Variants in CHN1 observed in about 807,000 individuals in gnomAD.
The protein encoded by CHN1 is chimerin 1, also known as N-chimaerin.
CHN1 carries 37 observed loss-of-function variants against 59.5 expected under a neutral mutation model. The observed-to-expected ratio is 0.62, with a 90% confidence interval of 0.48 to 0.82. The LOEUF (loss-of-function observed/expected upper bound fraction) is 0.82, where lower values mean the gene tolerates loss of function less well. Among genes scored for constraint, CHN1 ranks in the 40% least tolerant of loss-of-function variants. The pLI is 0.00. For missense variants in CHN1, 469 were observed against 571.0 expected (o/e 0.82, Z 1.82); for synonymous variants, 206 against 200.4 (o/e 1.03, Z -0.24).
intron 3 of CHN1, among the ~76,000 whole-genome samples, chr2:174,923,133 ATAT>A (rs1311862294): frequency 1.3e-5 from 2 of 152,044 alleles, no homozygotes; most frequent in Admixed American, 6.6e-5. Context: ...GCCTTTAACA[ATAT>A]AATTTTTTTT....
At chr2:174,979,794 T>C (rs1254995410) in intron 1 of CHN1, among the ~76,000 whole-genome samples, 2 of 151,954 alleles carry the variant, frequency 1.3e-5, no homozygotes, top group African/African-American at 4.8e-5. Context: ...GGCAGGAGAA[T>C]TGCTTGAACC....
intron 3 of CHN1, among the ~76,000 whole-genome samples, chr2:174,928,952 GA>G (rs905962278): frequency 2.0e-4 from 30 of 152,166 alleles, no homozygotes; most frequent in Non-Finnish European, 3.4e-4. Flanking sequence ...ACTTATAAAA[GA>G]CCTACATAGA....
intron 6 of CHN1, among the ~76,000 whole-genome samples, chr2:174,848,083 A>G (rs1158468770): frequency 6.6e-6 from 1 of 152,228 alleles, no homozygotes; most frequent in African/African-American, 2.4e-5. Flanking sequence ...TACTATTTTC[A>G]TGCAGAACAA....
At chr2:174,979,540 C>A (rs1295558660) in intron 1 of CHN1, among the ~76,000 whole-genome samples, 1 of 152,072 alleles carries the variant, frequency 6.6e-6, no homozygotes, top group Admixed American at 6.6e-5. Context: ...TAGGGCTGGG[C>A]GCGGTGGCTC....
chr2:174,856,576 T>A (rs1686906655), intron 6 of CHN1, among the ~76,000 whole-genome samples: 1 of 152,104 alleles, frequency 6.6e-6, no homozygotes, highest in Non-Finnish European at 1.5e-5. Flanking sequence ...TGAGAAATTC[T>A]CCAAGCACCA....
chr2:174,963,363 T>C (rs1690480570), intron 1 of CHN1, among the ~76,000 whole-genome samples: 1 of 152,140 alleles, frequency 6.6e-6, no homozygotes, highest in Admixed American at 6.5e-5. Context: ...AAAGAAGGAA[T>C]CACTTTTGGC....
chr2:174,996,274 G>C (rs1269828703), intron 1 of CHN1, among the ~76,000 whole-genome samples: 1 of 152,196 alleles, frequency 6.6e-6, no homozygotes, highest in African/African-American at 2.4e-5. Flanking sequence ...TAAGCCCCCT[G>C]AACCAGGTCT....
intron 5 of CHN1, among the ~76,000 whole-genome samples, chr2:174,907,411 T>A (rs895041400): frequency 6.6e-6 from 1 of 152,232 alleles, no homozygotes; most frequent in Non-Finnish European, 1.5e-5. Context: ...CGTATAGACC[T>A]TGGATGGAAC....
chr2:174,808,137 G>A (rs1441837536), intron 11 of CHN1, among the ~76,000 whole-genome samples: 1 of 152,208 alleles, frequency 6.6e-6, no homozygotes, highest in Non-Finnish European at 1.5e-5. Context: ...AAAGTACAAT[G>A]TGTGGGCCAG....
chr2:174,849,095 A>G (rs1322539100), intron 6 of CHN1, among the ~76,000 whole-genome samples: 1 of 152,196 alleles, frequency 6.6e-6, no homozygotes, highest in Non-Finnish European at 1.5e-5. Flanking sequence ...TTTGATATCA[A>G]GTTACTAAGT....
intron 1 of CHN1, among the ~76,000 whole-genome samples, chr2:174,982,941 T>C (rs2105451798): frequency 6.6e-6 from 1 of 152,202 alleles, no homozygotes; most frequent in Non-Finnish European, 1.5e-5. Flanking sequence ...TAAACTGGAT[T>C]CTAATGAAGA....
intron 8 of CHN1, among the ~76,000 whole-genome samples, chr2:174,814,131 T>C (rs1685164787): frequency 6.6e-6 from 1 of 152,244 alleles, no homozygotes; most frequent in Admixed American, 6.5e-5. Context: ...TCATATGAAC[T>C]GAGCACCTCC....
intron 4 of CHN1, 45 bp from the exon 5 acceptor site, chr2:174,915,216 C>A: frequency 6.9e-7 from 1 of 1,444,200 alleles, no homozygotes; most frequent in South Asian, 1.2e-5. Context: ...CTACATTTTT[C>A]AATAAAACAA....
At chr2:174,925,327 A>G (rs1574172051) in intron 3 of CHN1, among the ~76,000 whole-genome samples, 2 of 152,294 alleles carry the variant, frequency 1.3e-5, no homozygotes, top group African/African-American at 4.8e-5. Flanking sequence ...TTCCAATCCA[A>G]CTCTGGTATA....
chr2:174,878,125 A>G lies in CHN1; in HGVS notation c.264T>C (p.Phe88=). 6.5e-7 allele frequency: 1 copy of G among 1,527,246 alleles called. No individual in the cohort carries two copies. 94.6% of individuals were successfully genotyped at this position (1,527,246 alleles called of 1,614,324 possible). A position where few individuals can be genotyped will look rare whatever the true frequency, so the allele number is the denominator to read the frequency against. ...QPGTYTLALR[F]GSQTRNFRLY... is the part of the protein sequence containing the mutation. The stretch of plus-strand genomic sequence containing the variant: ...GCCTGAAGTTTCTGGTTTGACTTCC[A>G]AATCTGCCTCAATGAAATGGGAAAG... The change falls in exon 6 of 13, where the codon TTT becomes TTC. Residue 88 remains phenylalanine, a synonymous_variant. Transcript: ENST00000409900.
chr2:174,983,092 T>C (rs1691212184), intron 1 of CHN1, among the ~76,000 whole-genome samples: 1 of 152,174 alleles, frequency 6.6e-6, no homozygotes, highest in Admixed American at 6.5e-5. Flanking sequence ...GGGCAGTGAC[T>C]AAGAGAGGTT....
At chr2:174,897,531 C>A (rs903798697) in intron 5 of CHN1, among the ~76,000 whole-genome samples, 5 of 147,190 alleles carry the variant, frequency 3.4e-5, no homozygotes, top group Non-Finnish European at 6.0e-5. Context: ...AAAAAAAAAT[C>A]AAAATACCCC....
At chr2:174,847,899 G>A (rs1686590116) in intron 6 of CHN1, 3 of 390,248 alleles carry the variant, frequency 7.7e-6, no homozygotes, top group Non-Finnish European at 9.8e-6. Context: ...CATACATACA[G>A]CACTAGGTTT....
In CHN1 at chr2:174,838,992, C is replaced by T. The variant is rs182957215; in HGVS notation, c.627+7888G>A. On this transcript the variant is annotated intron_variant, in intron 7 of 12. Coordinates refer to ENST00000409900, the MANE Select transcript of CHN1 (RefSeq NM_001822.7). ...AGATTGTGCCACTGCACTCCAGCCTCGGCGACAGAGTGAGACTCTGTCTTA... is the reference window on the plus strand; with the variant it reads ...AGATTGTGCCACTGCACTCCAGCCTTGGCGACAGAGTGAGACTCTGTCTTA... 3.8e-3 allele frequency among the ~76,000 whole-genome samples: 573 copies of T among 149,900 alleles called. 4 individuals carry two copies. The highest frequency in any genetic ancestry group is 0.013 in the African/African-American group (547 of 40,556).
Sources: allele counts gnomAD v4.1 joint callset (sites outside exome capture counted in the v4.1 genomes callset), GRCh38; gene constraint gnomAD v4.1.1; transcripts MANE v1.5; gene names NCBI Gene and HGNC (gene_info 2026-07-23, HGNC 2026-07-21).